The following HORMAD1 variants were observed in gnomAD, a reference collection of about 807,000 sequenced individuals.
HORMAD1 encodes the protein HORMA domain-containing protein 1.
Under a neutral mutation model 58.2 loss-of-function variants are expected in HORMAD1, and 33 were observed. The ratio of observed to expected loss-of-function variants is 0.57; its 90% CI spans 0.43 to 0.76. HORMAD1 has a LOEUF of 0.76. HORMAD1 is among the 30% of genes least tolerant of loss of function. HORMAD1 has a pLI of 0.00. For synonymous variants in HORMAD1, 137 were observed against 144.6 expected (o/e 0.95, Z 0.38); for missense variants, 363 against 462.0 (o/e 0.79, Z 1.96).
chr1:150,704,238 T>G, intron 11 of HORMAD1, 39 bp downstream of exon 11: 1 of 1,574,780 alleles, frequency 6.4e-7, no homozygotes, highest in Non-Finnish European at 8.6e-7. Context: ...TAAAATTGAG[T>G]TGGAAGTGAG....
chr1:150,706,281 A>T (rs1051922829), intron 10 of HORMAD1, among the ~76,000 whole-genome samples: 2 of 152,204 alleles, frequency 1.3e-5, no homozygotes, highest in Non-Finnish European at 2.9e-5. Context: ...AGAGTCCACT[A>T]AGAAGGTAAG....
intron 12 of HORMAD1, among the ~76,000 whole-genome samples, chr1:150,703,594 C>A (rs1396551425): frequency 4.6e-5 from 7 of 152,064 alleles, no homozygotes; most frequent in Non-Finnish European, 8.8e-5. Flanking sequence ...ATTGGCCAAC[C>A]ACTGAACTGA....
chr1:150,716,066 C>T (rs587673511), intron 3 of HORMAD1, among the ~76,000 whole-genome samples: 1 of 142,298 alleles, frequency 7.0e-6, no homozygotes, highest in African/African-American at 2.6e-5. Context: ...TATTCAGCAA[C>T]AAAAAGGGAT....
At chr1:150,708,871 A>C (rs375546773) in intron 8 of HORMAD1, 23 bp downstream of exon 8, 31 of 1,249,176 alleles carry the variant, frequency 2.5e-5, no homozygotes, top group Non-Finnish European at 3.6e-5. Flanking sequence ...CTGTAATACA[A>C]ACAGAAAACT....
At chr1:150,716,224 A>C (rs1020526789) in intron 3 of HORMAD1, among the ~76,000 whole-genome samples, 1 of 131,788 alleles carries the variant, frequency 7.6e-6, no homozygotes, top group Non-Finnish European at 1.5e-5. Context: ...GTGCAGTGGC[A>C]CAATCTCGGC....
At position 150,708,391 on chromosome 1, in the gene HORMAD1, C is replaced by G; in HGVS notation, c.412G>C (p.Glu138Gln). The stretch of plus-strand genomic sequence containing the variant: ...GTGTCAGTAGACAACATGCTAGATT[C>G]GTTGCTTTGGTTTTTACTAGAAGAG... ...MDFISKNQSNESSMLSTDTKK... is the reference protein window; with the variant it reads ...MDFISKNQSNQSSMLSTDTKK... The change falls in exon 9 of 15, where the codon GAA (glutamate) becomes CAA (glutamine). Residue 138 changes from glutamate to glutamine, a missense_variant. Physicochemically the swap from Glu to Gln is conservative, Grantham distance 29. Around this residue, in one of 3 missense-constraint regions of HORMAD1, gnomAD observed 128 missense variants for 171.8 expected, o/e 0.74. Transcript: ENST00000361824. The G allele has an allele frequency of 6.3e-7, 1 of 1,594,504 alleles. No individual in the cohort carries two copies. Among genetic ancestry groups the G allele is most frequent in the Non-Finnish European group, 8.5e-7 (1 of 1,171,262 alleles).
At chr1:150,708,077 A>G (rs1651752792) in intron 9 of HORMAD1, among the ~76,000 whole-genome samples, 179 bp downstream of exon 9, 1 of 152,246 alleles carries the variant, frequency 6.6e-6, no homozygotes. Context: ...CTATCACTAG[A>G]GAAGCATCTA....
At chr1:150,720,051 C>A (rs1652200494) in intron 1 of HORMAD1, among the ~76,000 whole-genome samples, 1 of 134,600 alleles carries the variant, frequency 7.4e-6, no homozygotes, top group Non-Finnish European at 1.7e-5. Flanking sequence ...GTAGCTGGGA[C>A]CACAGGTGCC....
intron 3 of HORMAD1, among the ~76,000 whole-genome samples, chr1:150,715,337 C>T (rs891854473): frequency 6.6e-6 from 1 of 151,950 alleles, no homozygotes; most frequent in Non-Finnish European, 1.5e-5. Flanking sequence ...AAGAACTTAA[C>T]GGGCTATCAA....
intron 8 of HORMAD1, among the ~76,000 whole-genome samples, chr1:150,708,686 T>C (rs879433907): frequency 6.6e-6 from 1 of 152,250 alleles, no homozygotes; most frequent in Non-Finnish European, 1.5e-5. Flanking sequence ...ACCTAAGTTC[T>C]CTTTCCACAA....
chr1:150,707,784 A>G (rs1330877848), intron 9 of HORMAD1, among the ~76,000 whole-genome samples: 1 of 152,152 alleles, frequency 6.6e-6, no homozygotes, highest in Non-Finnish European at 1.5e-5. Context: ...AAAAATACAA[A>G]AATTAGCCAG....
chr1:150,707,954 G>A (rs587751574), intron 9 of HORMAD1, among the ~76,000 whole-genome samples: 1 of 152,062 alleles, frequency 6.6e-6, no homozygotes, highest in Non-Finnish European at 1.5e-5. Context: ...AAAAGTTCCT[G>A]TTTCCCCACA....
chr1:150,711,235 T>C (rs1651893532), intron 7 of HORMAD1, among the ~76,000 whole-genome samples: 1 of 152,208 alleles, frequency 6.6e-6, no homozygotes, highest in South Asian at 2.1e-4. Flanking sequence ...CCTTTCATAA[T>C]TCTAAAATGT....
In HORMAD1 at chr1:150,706,550, T is replaced by G. The variant is rs745688761; in HGVS notation, c.804+3A>C. On this transcript the variant is annotated splice_donor_region_variant and intron_variant, in intron 10 of 14. Coordinates refer to ENST00000361824, the MANE Select transcript of HORMAD1 (RefSeq NM_032132.5). Reference sequence around the variant, plus strand: ...TTCTTTATAACTCTTGAAATACACTTACACTTGTATAATGCTCCTGTTCAT... The same window carrying G: ...TTCTTTATAACTCTTGAAATACACTGACACTTGTATAATGCTCCTGTTCAT... The G allele has an allele frequency of 6.3e-7, 1 of 1,596,206 alleles. No homozygotes were observed. Among genetic ancestry groups the G allele is most frequent in the Non-Finnish European group, 8.6e-7 (1 of 1,167,644 alleles).
At position 150,698,447 on chromosome 1, in the gene HORMAD1, A is replaced by G. The variant is rs1236020402; in HGVS notation, c.*207T>C. On this transcript the variant is annotated 3_prime_UTR_variant, in exon 15 of 15. Coordinates refer to ENST00000361824, the MANE Select transcript of HORMAD1 (RefSeq NM_032132.5). Reference sequence around the variant, plus strand: ...TACTTATTACCGAATCAATTATGACATTTGTACTTTTGCTTTTATTCAAAA... The same window carrying G: ...TACTTATTACCGAATCAATTATGACGTTTGTACTTTTGCTTTTATTCAAAA... The G allele has an allele frequency of 2.7e-6, 1 of 365,352 alleles. No individual in the cohort carries two copies. The highest frequency in any genetic ancestry group is 4.9e-6 in the Non-Finnish European group (1 of 202,894). 22.6% of individuals were successfully genotyped at this position (365,352 alleles called of 1,614,324 possible).
chr1:150,710,726 TC>T (rs2101871377), intron 7 of HORMAD1, among the ~76,000 whole-genome samples: 1 of 152,328 alleles, frequency 6.6e-6, no homozygotes, highest in South Asian at 2.1e-4. Context: ...CCTGAATACT[TC>T]TATTGCTTTC....
rs587604646 is a variant in HORMAD1, at chr1:150,707,471, T to A, written c.548-662A>T. Among the ~76,000 whole-genome samples, 8 of 152,346 alleles carry A rather than the reference T, an allele frequency of 5.3e-5. No homozygotes were observed. The East Asian group carries it at 1.5e-3, about 29-fold the overall frequency. ...TCCAGTTTGTTCCTATTTTAGCCAA[T>A]GCTATAATCAAAATCCTTATATAAC... On this transcript the variant is annotated intron_variant, in intron 9 of 14. Transcript: ENST00000361824.
chr1:150,714,476 T>G, intron 4 of HORMAD1, 139 bp downstream of exon 4: 1 of 452,274 alleles, frequency 2.2e-6, no homozygotes, highest in Non-Finnish European at 4.0e-6. Flanking sequence ...GGTGGAAAAT[T>G]TAATGACCTA....
Position 150,703,379 on chromosome 1 carries a change from G to A in HORMAD1, c.963C>T (p.Val321=), listed in dbSNP as rs1291592844. 7 of 1,557,918 alleles carry A rather than the reference G, an allele frequency of 4.5e-6. No homozygotes were observed. The highest frequency in any genetic ancestry group is 3.5e-5 in the Admixed American group (2 of 56,730). The change falls in exon 13 of 15, where the codon GTC becomes GTT. Residue 321 remains valine (V), a synonymous_variant. Coordinates refer to ENST00000361824, the MANE Select transcript of HORMAD1 (RefSeq NM_032132.5). The part of the protein sequence containing the change: ...SISHSQVEQL[V]NKTSELDMSE... ...ACATATCAAGTTCAGATGTTTTATT[G>A]ACTAACTGCTCAACCTAAAAAAGAA...
Sources: gnomAD v4.1 joint callset for allele counts (sites outside exome capture counted in the v4.1 genomes callset) on GRCh38, gnomAD v4.1.1 for gene constraint, gnomAD v4.1.1 regional missense constraint, MANE v1.5 for transcripts, NCBI Gene and HGNC (gene_info 2026-07-23, HGNC 2026-07-21) for gene names.